The following FIGNL2 variants were observed in gnomAD, a reference collection of about 807,000 sequenced individuals.
FIGNL2 encodes fidgetin-like protein 2.
For missense variants in FIGNL2, 1,060 were observed against 950.2 expected (o/e 1.12, Z -1.52); for synonymous variants, 565 against 484.0 (o/e 1.17, Z -2.20).
rs1343896355 is a variant in FIGNL2, at chr12:51,820,435, G to A, written c.*17C>T. 1 of 1,580,032 alleles carries A rather than the reference G, an allele frequency of 6.3e-7. No individual in the cohort carries two copies. On this transcript the variant is annotated 3_prime_UTR_variant, in exon 2 of 2. Coordinates refer to ENST00000618634, the MANE Select transcript of FIGNL2 (RefSeq NM_001384995.1). ...GGACGGAGGGACTGCGGCTCCCGCGGCCTCCCCCGCGCGCCGTCAGTGTCC... is the reference window on the plus strand; with the variant it reads ...GGACGGAGGGACTGCGGCTCCCGCGACCTCCCCCGCGCGCCGTCAGTGTCC...
In FIGNL2 at chr12:51,820,758, G is replaced by C. The variant is rs1204651234; in HGVS notation, c.1656C>G (p.Arg552=). Residue 552 remains arginine, a synonymous_variant, in exon 2 of 2, where the codon CGC becomes CGG. Coordinates refer to ENST00000618634, the MANE Select transcript of FIGNL2 (RefSeq NM_001384995.1). ...GGCTGTCGGGCAGCGCCACGTAGAAGCGGAGAGAGAAGCGCCGGCGGGTCG... is the reference window on the plus strand; with the variant it reads ...GGCTGTCGGGCAGCGCCACGTAGAACCGGAGAGAGAAGCGCCGGCGGGTCG... ...DEATRRRFSL[R]FYVALPDSPA... The C allele has an allele frequency of 2.0e-6, 3 of 1,486,326 alleles. No homozygotes were observed. Among genetic ancestry groups the C allele is most frequent in the Non-Finnish European group, 2.7e-6 (3 of 1,127,356 alleles). 92.1% of individuals were successfully genotyped at this position (1,486,326 alleles called of 1,614,324 possible). A position where few individuals can be genotyped will look rare whatever the true frequency, so the allele number is the denominator to read the frequency against.
chr12:51,828,890 A>C (rs374660238), intron 1 of FIGNL2, among the ~76,000 whole-genome samples: 132 of 152,232 alleles, frequency 8.7e-4, no homozygotes, highest in African/African-American at 2.9e-3. Flanking sequence ...AAACACAAAT[A>C]AATTTTTTAC....
chr12:51,847,220 G>A (rs906012803), intron 1 of FIGNL2: 5 of 985,308 alleles, frequency 5.1e-6, no homozygotes, highest in Admixed American at 6.1e-5. Context: ...TAGGCTCCGG[G>A]AGGGTCTGGG....
At chr12:51,841,296 C>T (rs1305495601) in intron 1 of FIGNL2, 1 of 152,338 alleles carries the variant, frequency 6.6e-6, no homozygotes, top group African/African-American at 2.4e-5. Flanking sequence ...CTGCCTGCTC[C>T]CATATGGGAT....
chr12:51,839,492 CCTT>C (rs1175409069), intron 1 of FIGNL2, among the ~76,000 whole-genome samples: 1 of 152,182 alleles, frequency 6.6e-6, no homozygotes, highest in Non-Finnish European at 1.5e-5. Context: ...CCTTCCTAAT[CCTT>C]CTTCTGTGTG....
chr12:51,833,445 T>C lies in FIGNL2; in HGVS notation c.-11-11021A>G, dbSNP rs189690661. 1.8e-3 allele frequency among the ~76,000 whole-genome samples: 281 copies of C among 152,308 alleles called. 2 individuals are homozygous for C. Among genetic ancestry groups the C allele is most frequent in the African/African-American group, 6.5e-3 (269 of 41,576 alleles). The stretch of plus-strand genomic sequence containing the variant: ...TCTTGAAAGCATGTTCCATAAGTCA[T>C]TCTTCCACCAAAAGCTTCCAGTGGC... On this transcript the variant is annotated intron_variant, in intron 1 of 1. Coordinates refer to ENST00000618634, the MANE Select transcript of FIGNL2 (RefSeq NM_001384995.1).
At position 51,848,521 on chromosome 12, in the gene FIGNL2, C is replaced by T; in HGVS notation, c.-12+19G>A. 5 of 984,804 alleles carry T rather than the reference C, an allele frequency of 5.1e-6. No homozygotes were observed. Among genetic ancestry groups the T allele is most frequent in the Non-Finnish European group, 6.0e-6 (5 of 829,596 alleles). 61.0% of individuals were successfully genotyped at this position (984,804 alleles called of 1,614,324 possible). On this transcript the variant is annotated intron_variant, in intron 1 of 1. Coordinates refer to ENST00000618634, the MANE Select transcript of FIGNL2 (RefSeq NM_001384995.1). ...GTCACCTCCCCCCGCCCCATCCCGG[C>T]CCGCCCGCGGCCCCGTACCTCGGCA...
chr12:51,843,490 G>A (rs1040818433), intron 1 of FIGNL2, among the ~76,000 whole-genome samples: 3 of 151,602 alleles, frequency 2.0e-5, no homozygotes, highest in Admixed American at 2.0e-4. Context: ...GGTGGTTGCA[G>A]TGAGCAAAGA....
intron 1 of FIGNL2, among the ~76,000 whole-genome samples, chr12:51,838,218 G>A (rs1449282053): frequency 1.3e-5 from 2 of 152,332 alleles, no homozygotes; most frequent in East Asian, 3.9e-4. Flanking sequence ...AGTAAGGGCT[G>A]CCCTGTCTGT....
In FIGNL2 at chr12:51,821,083, C is replaced by T; in HGVS notation, c.1331G>A (p.Cys444Tyr). 1.5e-6 allele frequency: 2 copies of T among 1,300,726 alleles called. No individual in the cohort carries two copies. Among genetic ancestry groups the T allele is most frequent in the Non-Finnish European group, 1.9e-6 (2 of 1,029,822 alleles). 80.6% of individuals were successfully genotyped at this position (1,300,726 alleles called of 1,614,324 possible). A position where few individuals can be genotyped will look rare whatever the true frequency, so the allele number is the denominator to read the frequency against. The change falls in exon 2 of 2, where the codon TGC becomes TAC. Residue 444 changes from cysteine to tyrosine, a missense_variant. By Grantham distance (194) the Cys-to-Tyr change is radical. Transcript: ENST00000618634. ...RGAGKALLGR[C>Y]LATQLGATLL... ...CGTGGCGCCCAGCTGCGTGGCGAGGCAGCGGCCCAGCAGCGCTTTGCCCGC... is the reference window on the plus strand; with the variant it reads ...CGTGGCGCCCAGCTGCGTGGCGAGGTAGCGGCCCAGCAGCGCTTTGCCCGC...
chr12:51,820,318 C>CA lies in FIGNL2; in HGVS notation c.*133dup, dbSNP rs927090678. 3 of 1,173,350 alleles carry CA rather than the reference C, an allele frequency of 2.6e-6. No homozygotes were observed. The Admixed American group carries it at 9.0e-5, about 35-fold the overall frequency. The allele number at this position is 1,173,350 out of a possible 1,614,324, so 72.7% of individuals were successfully genotyped here. On this transcript the variant is annotated 3_prime_UTR_variant, in exon 2 of 2. Transcript: ENST00000618634. ...CCACGAAAAAAAAAATATCCACCGG[C>CA]AGACCCCTCCTGTCCCCGATCCCAC...
chr12:51,821,808 C>T lies in FIGNL2; in HGVS notation c.606G>A (p.Leu202=). The T allele has an allele frequency of 2.4e-6, 3 of 1,275,604 alleles. No homozygotes were observed. The highest frequency in any genetic ancestry group is 3.0e-6 in the Non-Finnish European group (3 of 1,016,336). The allele number at this position is 1,275,604 out of a possible 1,614,324, so 79.0% of individuals were successfully genotyped here. A position where few individuals can be genotyped will look rare whatever the true frequency, so the allele number is the denominator to read the frequency against. Residue 202 remains leucine (L), a synonymous_variant, in exon 2 of 2, where the codon CTG becomes CTA. Transcript: ENST00000618634. ...PPPGYGPSAP[L]YNYPAGGYAA... ...CGTAGCCCCCTGCGGGATAGTTGTA[C>T]AGCGGCGCTGAGGGCCCGTACCCCG... is the stretch of plus-strand genomic sequence containing the variant.
At chr12:51,836,424 C>T (rs1054067116) in intron 1 of FIGNL2, among the ~76,000 whole-genome samples, 5 of 151,286 alleles carry the variant, frequency 3.3e-5, no homozygotes, top group African/African-American at 9.7e-5. Context: ...GAGGGAGAAA[C>T]GTGACCACAG....
intron 1 of FIGNL2, chr12:51,845,757 A>C: frequency 1.3e-6 from 1 of 756,442 alleles, no homozygotes; most frequent in Non-Finnish European, 1.6e-6. Context: ...GGGTCCAGCA[A>C]TGGCAGCAGT....
chr12:51,848,234 C>T (rs1352414765), intron 1 of FIGNL2: 3 of 984,072 alleles, frequency 3.0e-6, no homozygotes, highest in Non-Finnish European at 3.6e-6. Flanking sequence ...GCCCCCGAGC[C>T]GGCTGCTCGC....
chr12:51,844,668 T>A, intron 1 of FIGNL2: 1 of 984,552 alleles, frequency 1.0e-6, no homozygotes, highest in Non-Finnish European at 1.2e-6. Context: ...CTATGATTCA[T>A]CAAGATGCTT....
At position 51,822,237 on chromosome 12, in the gene FIGNL2, G is replaced by A; in HGVS notation, c.177C>T (p.Leu59=). The A allele has an allele frequency of 6.2e-7, 1 of 1,611,596 alleles. No homozygotes were observed. The change falls in exon 2 of 2, where the codon CTC becomes CTT. Residue 59 remains leucine (L), a synonymous_variant. Transcript: ENST00000618634. ...DDISALTASN[L]LKRYAEKYSG... Reference sequence around the variant, plus strand: ...AGTACTTCTCTGCATAGCGCTTTAGGAGGTTGGAGGCAGTGAGGGCTGAGA... The same window carrying A: ...AGTACTTCTCTGCATAGCGCTTTAGAAGGTTGGAGGCAGTGAGGGCTGAGA...
intron 1 of FIGNL2, chr12:51,823,457 T>A (rs1237886054): frequency 6.6e-6 from 1 of 152,204 alleles, no homozygotes; most frequent in African/African-American, 2.4e-5. Context: ...AGCAGACCTG[T>A]GAGATGTAAT....
intron 1 of FIGNL2, chr12:51,824,502 A>G (rs1159123002): frequency 6.6e-6 from 1 of 152,216 alleles, no homozygotes; most frequent in Non-Finnish European, 1.5e-5. Context: ...AGTGTAGCTT[A>G]AAAAGGAAGG....
Sources: allele counts gnomAD v4.1 joint callset (sites outside exome capture counted in the v4.1 genomes callset), GRCh38; gene constraint gnomAD v4.1.1; transcripts MANE v1.5; gene names NCBI Gene and HGNC (gene_info 2026-07-23, HGNC 2026-07-21).